Variants in CSMD3 observed in about 807,000 individuals in gnomAD.
CSMD3 encodes CUB and Sushi multiple domains 3.
CSMD3 carries 177 observed loss-of-function variants against 435.2 expected under a neutral mutation model. The observed-to-expected ratio is 0.41, with a 90% CI of 0.36 to 0.46. CSMD3 has a LOEUF of 0.46. Among genes scored for constraint, CSMD3 ranks in the 20% least tolerant of loss-of-function variants. The probability of loss-of-function intolerance (pLI) is 0.34; values close to 1 mark genes in which losing one functional copy is unlikely to be tolerated. For missense variants in CSMD3, 4,265 were observed against 4,504.6 expected (o/e 0.95, Z 1.52); for synonymous variants, 1,656 against 1,520.5 (o/e 1.09, Z -2.07).
At chr8:112,281,929 C>A (rs1462430708) in intron 58 of CSMD3, among the ~76,000 whole-genome samples, 2 of 152,030 alleles carry the variant, frequency 1.3e-5, no homozygotes, top group African/African-American at 4.8e-5. Context: ...TAATCGTTTT[C>A]ATTAAGTTTC....
rs576555631 is a variant in CSMD3, at chr8:112,878,378, T to C, written c.1634-19112A>G. 3.9e-5 allele frequency among the ~76,000 whole-genome samples: 6 copies of C among 152,218 alleles called. No individual in the cohort carries two copies. In the South Asian group the frequency reaches 1.2e-3, roughly 32 times the overall value. On this transcript the variant is annotated intron_variant, in intron 10 of 70. Transcript: ENST00000297405. ...AAAACCACAATGATATACCATCTCATGTCAGTTAGAATGGCAATCATAAAA... is the reference window on the plus strand; with the variant it reads ...AAAACCACAATGATATACCATCTCACGTCAGTTAGAATGGCAATCATAAAA...
chr8:112,461,083 T>G (rs1817398966), intron 32 of CSMD3, among the ~76,000 whole-genome samples: 1 of 152,138 alleles, frequency 6.6e-6, no homozygotes, highest in African/African-American at 2.4e-5. Flanking sequence ...TTAAATCATA[T>G]GAGTCACCAA....
At chr8:113,180,231 C>T (rs1236975191) in intron 3 of CSMD3, among the ~76,000 whole-genome samples, 1 of 151,954 alleles carries the variant, frequency 6.6e-6, no homozygotes. Context: ...GCACCTAGTA[C>T]CTCTCATCCT....
At chr8:113,319,732 G>A (rs1205250540) in intron 1 of CSMD3, among the ~76,000 whole-genome samples, 3 of 151,944 alleles carry the variant, frequency 2.0e-5, no homozygotes, top group African/African-American at 7.2e-5. Flanking sequence ...AGTTACTCTT[G>A]TAATTGCTAT....
chr8:112,903,395 G>T (rs1296247765), intron 10 of CSMD3, among the ~76,000 whole-genome samples: 3 of 151,118 alleles, frequency 2.0e-5, no homozygotes, highest in East Asian at 3.9e-4. Context: ...TAAAACATTT[G>T]AATAAAATGT....
chr8:113,136,613 T>A (rs2091424943), intron 4 of CSMD3, among the ~76,000 whole-genome samples: 3 of 151,644 alleles, frequency 2.0e-5, no homozygotes, highest in Non-Finnish European at 2.9e-5. Flanking sequence ...AGCTAGTTTG[T>A]CATGGAGGAT....
chr8:113,219,649 T>C lies in CSMD3; in HGVS notation c.515-45733A>G, dbSNP rs1390943731. Reference sequence around the variant, plus strand: ...CTGTTCTTCAAACAATACATCAGAATAAACCACAAGTAGATCAAAGATACA... The same window carrying C: ...CTGTTCTTCAAACAATACATCAGAACAAACCACAAGTAGATCAAAGATACA... On this transcript the variant is annotated intron_variant, in intron 3 of 70. Coordinates refer to ENST00000297405, the MANE Select transcript of CSMD3 (RefSeq NM_198123.2). Among the ~76,000 whole-genome samples, 7 of 151,326 alleles carry C rather than the reference T, an allele frequency of 4.6e-5. No individual in the cohort carries two copies. The East Asian group carries it at 1.2e-3, about 25-fold the overall frequency.
At chr8:112,846,262 T>C (rs2080316491) in intron 11 of CSMD3, among the ~76,000 whole-genome samples, 1 of 151,426 alleles carries the variant, frequency 6.6e-6, no homozygotes, top group African/African-American at 2.4e-5. Flanking sequence ...AAATATTCTT[T>C]TTTCCCCTTT....
intron 37 of CSMD3, among the ~76,000 whole-genome samples, chr8:112,382,353 A>G (rs1265250465): frequency 1.3e-5 from 2 of 151,768 alleles, no homozygotes; most frequent in African/African-American, 4.8e-5. Flanking sequence ...TATTACAAAT[A>G]AAAGTGTGCT....
intron 4 of CSMD3, among the ~76,000 whole-genome samples, chr8:113,115,196 G>A (rs1208401348): frequency 2.0e-5 from 3 of 152,210 alleles, no homozygotes; most frequent in Non-Finnish European, 2.9e-5. Flanking sequence ...TCAGAAAGAG[G>A]AGGAATAGAT....
chr8:112,225,036 TATTA>T lies in CSMD3; in HGVS notation c.10965-110_10965-107del, dbSNP rs1386537732. ...GTTAGCAGATAATGTAACTTAAAAA[TATTA>T]ATTGAGACATCATAAACACACTAAG... On this transcript the variant is annotated intron_variant, in intron 70 of 70. Coordinates refer to ENST00000297405, the MANE Select transcript of CSMD3 (RefSeq NM_198123.2). 4.5e-6 allele frequency: 5 copies of T among 1,112,918 alleles called. No individual in the cohort carries two copies. In the African/African-American group the frequency reaches 4.6e-5, roughly 10 times the overall value. The allele number at this position is 1,112,918 out of a possible 1,614,324, so 68.9% of individuals were successfully genotyped here.
chr8:112,509,822 A>G (rs1042476638), intron 28 of CSMD3, among the ~76,000 whole-genome samples: 1 of 152,100 alleles, frequency 6.6e-6, no homozygotes, highest in Non-Finnish European at 1.5e-5. Flanking sequence ...TAATTTTTAT[A>G]CCCTGATAAC....
At chr8:112,291,034 A>T (rs1454804300) in intron 56 of CSMD3, among the ~76,000 whole-genome samples, 2 of 152,032 alleles carry the variant, frequency 1.3e-5, no homozygotes, top group Non-Finnish European at 1.5e-5. Flanking sequence ...GATGATGTAT[A>T]TTAACATTTA....
At chr8:112,332,382 A>C (rs1824152440) in intron 45 of CSMD3, among the ~76,000 whole-genome samples, 1 of 152,170 alleles carries the variant, frequency 6.6e-6, no homozygotes, top group Non-Finnish European at 1.5e-5. Context: ...TTTATGATGG[A>C]GATGAAGATG....
chr8:112,717,516 G>T (rs568936789), intron 13 of CSMD3, among the ~76,000 whole-genome samples: 1 of 152,228 alleles, frequency 6.6e-6, no homozygotes, highest in African/African-American at 2.4e-5. Context: ...ATTCCTCAAG[G>T]ATCTAGAACC....
intron 5 of CSMD3, among the ~76,000 whole-genome samples, chr8:113,030,417 TAAAAAAAAAA>T (rs35890606): frequency 8.2e-5 from 2 of 24,360 alleles, no homozygotes; most frequent in Non-Finnish European, 1.4e-4. Context: ...TTGGTACTGG[TAAAAAAAAAA>T]AAAAAAAAAA....
intron 3 of CSMD3, among the ~76,000 whole-genome samples, chr8:113,185,027 C>T (rs556341033): frequency 1.3e-5 from 2 of 152,124 alleles, no homozygotes; most frequent in East Asian, 3.9e-4. Flanking sequence ...TAGTGGGTAG[C>T]ACGTGCTTCC....
chr8:112,352,269 A>T (rs1168319814), intron 39 of CSMD3, 147 bp downstream of exon 39: 1 of 1,189,912 alleles, frequency 8.4e-7, no homozygotes, highest in Admixed American at 2.1e-5. Context: ...TCTCATGTGC[A>T]TATTTTATTA....
intron 5 of CSMD3, among the ~76,000 whole-genome samples, chr8:113,075,468 C>T (rs1021712176): frequency 1.3e-5 from 2 of 151,770 alleles, no homozygotes; most frequent in Non-Finnish European, 3.0e-5. Flanking sequence ...ATTACCTATA[C>T]TTTCAACATC....
Sources: allele counts gnomAD v4.1 joint callset (sites outside exome capture counted in the v4.1 genomes callset), GRCh38; gene constraint gnomAD v4.1.1; transcripts MANE v1.5; gene names NCBI Gene and HGNC (gene_info 2026-07-23, HGNC 2026-07-21).